The following TES variants were observed in gnomAD, a reference collection of about 807,000 sequenced individuals.
TES encodes the protein testin.
A neutral mutation model predicts 48.2 loss-of-function variants in TES; 41 were observed. The observed-to-expected ratio is 0.85, with a 90% CI of 0.66 to 1.10. TES has a LOEUF of 1.10. TES is among the 50% of genes least tolerant of loss of function. The pLI, the probability that TES is intolerant of heterozygous loss-of-function variation, is 0.00. For synonymous variants in TES, 162 were observed against 174.9 expected (o/e 0.93, Z 0.58); for missense variants, 463 against 515.1 (o/e 0.90, Z 0.98).
chr7:116,234,568 C>G lies in TES; in HGVS notation c.62C>G (p.Pro21Arg). 1 of 1,613,860 alleles carries G rather than the reference C, an allele frequency of 6.2e-7. No individual in the cohort carries two copies. Among genetic ancestry groups the G allele is most frequent in the East Asian group, 2.2e-5 (1 of 44,852 alleles). ...GLGHEQGFGA[P>R]CLKCKEKCEG... ...GGTCACGAGCAAGGATTTGGAGCCC[C>G]TTGTTTAAAATGCAAAGAAAAATGT... The change falls in exon 2 of 7, where the codon CCT (proline) becomes CGT (arginine). Residue 21 changes from proline to arginine, a missense_variant. Pro to Arg is a moderately radical substitution (Grantham distance 103, BLOSUM62 -2). Coordinates refer to ENST00000358204, the MANE Select transcript of TES (RefSeq NM_015641.4).
chr7:116,228,561 G>A (rs1256538326), intron 1 of TES, among the ~76,000 whole-genome samples: 1 of 152,122 alleles, frequency 6.6e-6, no homozygotes, highest in African/African-American at 2.4e-5. Context: ...TTGAAATTAT[G>A]TTAAAATAAT....
At chr7:116,240,565 T>C (rs1382888635) in intron 2 of TES, among the ~76,000 whole-genome samples, 1 of 152,166 alleles carries the variant, frequency 6.6e-6, no homozygotes, top group Non-Finnish European at 1.5e-5. Context: ...CAAACAACTT[T>C]TTATACAAAT....
rs1204290064 is a variant in TES, at chr7:116,253,388, C to T, written c.1077+912C>T. On this transcript the variant is annotated intron_variant, in intron 6 of 6. Coordinates refer to ENST00000358204, the MANE Select transcript of TES (RefSeq NM_015641.4). ...AACTGTGCCTCACCAATATATTTCA[C>T]ATTCTTATAATTACAACCATTCTAC... is the stretch of plus-strand genomic sequence containing the variant. Among the ~76,000 whole-genome samples, 9 of 152,290 alleles carry T rather than the reference C, an allele frequency of 5.9e-5. No individual in the cohort carries two copies. The East Asian group carries it at 1.7e-3, about 29-fold the overall frequency.
intron 1 of TES, chr7:116,217,823 A>C (rs963257666): frequency 3.7e-5 from 19 of 517,644 alleles, no homozygotes; most frequent in African/African-American, 3.7e-4. Context: ...CTCTCCTACA[A>C]AAGAGCTGCC....
chr7:116,216,650 A>T (rs1048708782), intron 1 of TES, among the ~76,000 whole-genome samples: 2 of 152,170 alleles, frequency 1.3e-5, no homozygotes, highest in African/African-American at 4.8e-5. Flanking sequence ...AGTGAATTCC[A>T]TGAAGAACCT....
rs1417517023 is a variant in TES at position 116,229,033 on chromosome 7, T to TATATATAA, written c.28-5500_28-5499insTATATAAA. ...ATATATATATATATATATATATATA[T>TATATATAA]AATCATTTCCTTAATATTTGGTAAT... On this transcript the variant is annotated intron_variant, in intron 1 of 6. Transcript: ENST00000358204. Among the ~76,000 whole-genome samples the TATATATAA allele has an allele frequency of 2.6e-3, 300 of 115,362 alleles. 4 individuals are homozygous for TATATATAA. The highest frequency in any genetic ancestry group is 0.024 in the East Asian group (78 of 3,272). 75.7% of individuals were successfully genotyped at this position (115,362 alleles called of 152,430 possible). A position where few individuals can be genotyped will look rare whatever the true frequency, so the allele number is the denominator to read the frequency against.
intron 1 of TES, among the ~76,000 whole-genome samples, chr7:116,233,989 G>A (rs772557982): frequency 2.0e-5 from 3 of 152,136 alleles, no homozygotes; most frequent in Non-Finnish European, 4.4e-5. Flanking sequence ...GTACATTGGG[G>A]ATTAAGTTGC....
At chr7:116,218,031 G>A (rs1043627485) in intron 1 of TES, 13 of 442,216 alleles carry the variant, frequency 2.9e-5, no homozygotes, top group Non-Finnish European at 5.0e-5. Flanking sequence ...TAGTCTGTTA[G>A]AATGGTGGGG....
chr7:116,238,109 T>G (rs1160808015), intron 2 of TES: 1 of 152,192 alleles, frequency 6.6e-6, no homozygotes, highest in Non-Finnish European at 1.5e-5. Context: ...CCTTGTATAC[T>G]TACAGAAAGC....
rs1215468375 is a variant in TES, at chr7:116,221,260, G to A, written c.27+10526G>A. Among the ~76,000 whole-genome samples, 3 of 152,002 alleles carry A rather than the reference G, an allele frequency of 2.0e-5. 1 individual carries two copies. Among genetic ancestry groups the A allele is most frequent in the Admixed American group, 2.0e-4 (3 of 15,246 alleles). On this transcript the variant is annotated intron_variant, in intron 1 of 6. Coordinates refer to ENST00000358204, the MANE Select transcript of TES (RefSeq NM_015641.4). ...TCTGGAACTTGAGTACCTACCATGT[G>A]CCAATCGCTATGCAAAGGATTCAAA...
At chr7:116,228,998 C>CTATATATATATA (rs58514364) in intron 1 of TES, among the ~76,000 whole-genome samples, 28 of 110,124 alleles carry the variant, frequency 2.5e-4, no homozygotes, top group African/African-American at 8.9e-4. Context: ...GTATCTATAA[C>CTATATATATATA]TATATATATA....
At chr7:116,233,721 A>G (rs1026717804) in intron 1 of TES, among the ~76,000 whole-genome samples, 2 of 152,198 alleles carry the variant, frequency 1.3e-5, no homozygotes, top group Non-Finnish European at 2.9e-5. Flanking sequence ...TGGGTAATTT[A>G]TAAATAATAG....
chr7:116,210,781 T>C (rs968225639), intron 1 of TES, 47 bp downstream of exon 1: 40 of 1,227,288 alleles, frequency 3.3e-5, no homozygotes, highest in Non-Finnish European at 3.9e-5. Flanking sequence ...CCTGCGCGGG[T>C]CGCGCGGCGC....
chr7:116,248,491 GA>G (rs369907331), intron 2 of TES, among the ~76,000 whole-genome samples: 321 of 152,208 alleles, frequency 2.1e-3, no homozygotes, highest in African/African-American at 7.5e-3. Flanking sequence ...CCGACTGATG[GA>G]AGATGGCATC....
intron 5 of TES, 50 bp from the exon 6 acceptor site, chr7:116,252,268 T>C: frequency 1.9e-6 from 3 of 1,543,688 alleles, no homozygotes; most frequent in Non-Finnish European, 8.8e-7. Flanking sequence ...GTTACAGATA[T>C]AAATCTCTTA....
At chr7:116,218,015 G>T (rs770765053) in intron 1 of TES, 1 of 456,472 alleles carries the variant, frequency 2.2e-6, no homozygotes, top group African/African-American at 2.0e-5. Flanking sequence ...CAATTTCTCT[G>T]TTCCTTAGTC....
chr7:116,220,351 T>C (rs1168269238), intron 1 of TES, among the ~76,000 whole-genome samples: 2 of 152,166 alleles, frequency 1.3e-5, no homozygotes, highest in Non-Finnish European at 2.9e-5. Flanking sequence ...AGCCAGAGGG[T>C]AGGATCATCC....
At chr7:116,254,762 G>GTA (rs1159362930) in intron 6 of TES, among the ~76,000 whole-genome samples, 2 of 98,754 alleles carry the variant, frequency 2.0e-5, no homozygotes, top group African/African-American at 4.7e-5. Flanking sequence ...ATATATATGT[G>GTA]TGTGTGTGTG....
At chr7:116,239,844 A>G (rs1194031840) in intron 2 of TES, among the ~76,000 whole-genome samples, 3 of 152,200 alleles carry the variant, frequency 2.0e-5, no homozygotes, top group South Asian at 2.1e-4. Flanking sequence ...GTTTATTGAA[A>G]TGTATGACAC....
Sources: allele counts gnomAD v4.1 joint callset (sites outside exome capture counted in the v4.1 genomes callset), GRCh38; gene constraint gnomAD v4.1.1; transcripts MANE v1.5; gene names NCBI Gene and HGNC (gene_info 2026-07-23, HGNC 2026-07-21).